FAM81A: variants seen among roughly 807,000 people sequenced by gnomAD.
FAM81A encodes family with sequence similarity 81 member A, also known as protein FAM81A.
FAM81A carries 19 observed loss-of-function variants against 46.7 expected under a neutral mutation model. That is an observed-to-expected ratio of 0.41 (90% CI 0.28 to 0.60). The LOEUF (loss-of-function observed/expected upper bound fraction) is 0.60, where lower values mean the gene tolerates loss of function less well. FAM81A is among the 20% of genes least tolerant of loss of function. FAM81A has a pLI of 0.34. For missense variants in FAM81A, 377 were observed against 453.5 expected, an observed-to-expected ratio of 0.83 and a Z score of 1.53; for synonymous variants, 183 against 152.9, an observed-to-expected ratio of 1.20 and a Z score of -1.45.
chr15:59,506,752 C>T (rs1167328197), intron 4 of FAM81A, among the ~76,000 whole-genome samples: 1 of 152,214 alleles, frequency 6.6e-6, no homozygotes, highest in Non-Finnish European at 1.5e-5. Context: ...AAAGCCTTCC[C>T]CTGCTCTACA....
At chr15:59,504,419 A>G (rs1192306195) in intron 4 of FAM81A, among the ~76,000 whole-genome samples, 7 of 152,362 alleles carry the variant, frequency 4.6e-5, no homozygotes, top group African/African-American at 1.4e-4. Flanking sequence ...CTAGGGTTTT[A>G]GGTGATGAAA....
intron 2 of FAM81A, among the ~76,000 whole-genome samples, chr15:59,418,378 G>C (rs79268657): frequency 0.012 from 1,844 of 152,308 alleles, 37 homozygotes; most frequent in African/African-American, 0.043. Context: ...AAACTCATCA[G>C]CTATAACCCT....
At chr15:59,403,208 G>C (rs187275988) in intron 2 of FAM81A, among the ~76,000 whole-genome samples, 60 of 152,104 alleles carry the variant, frequency 3.9e-4, no homozygotes, top group African/African-American at 1.4e-3. Flanking sequence ...TTATGAAGTG[G>C]GCTACCCCCC....
At chr15:59,432,554 G>T (rs1360598991) in intron 2 of FAM81A, among the ~76,000 whole-genome samples, 1 of 152,142 alleles carries the variant, frequency 6.6e-6, no homozygotes, top group Non-Finnish European at 1.5e-5. Flanking sequence ...GTACCTACAA[G>T]GCACAGCTGT....
intron 5 of FAM81A, 51 bp downstream of exon 5, chr15:59,507,393 A>G: frequency 6.3e-7 from 1 of 1,588,324 alleles, no homozygotes; most frequent in Non-Finnish European, 8.6e-7. Flanking sequence ...GTTCTTAGCT[A>G]AGAATAACAT....
intron 2 of FAM81A, among the ~76,000 whole-genome samples, chr15:59,426,813 G>A (rs544072451): frequency 1.4e-4 from 21 of 152,286 alleles, no homozygotes; most frequent in Non-Finnish European, 2.9e-4. Context: ...TCAATAGAGT[G>A]ACATAGCAAT....
intron 4 of FAM81A, among the ~76,000 whole-genome samples, chr15:59,505,841 T>A (rs537738940): frequency 1.3e-5 from 2 of 152,334 alleles, no homozygotes; most frequent in South Asian, 2.1e-4. Flanking sequence ...TTAAGAATGA[T>A]CCATTTATGT....
chr15:59,510,393 C>T (rs2082193710), intron 6 of FAM81A, among the ~76,000 whole-genome samples: 1 of 147,664 alleles, frequency 6.8e-6, no homozygotes, highest in African/African-American at 2.5e-5. Flanking sequence ...AGAAAGCCAA[C>T]TACATTCCAG....
In FAM81A at chr15:59,521,536, C is replaced by A; in HGVS notation, c.*158C>A. ...ATGGGTCTAAATGTTTACCTTGAGTCTTGAAAATACTCTTTTGTTAAAAGT... is the reference window on the plus strand; with the variant it reads ...ATGGGTCTAAATGTTTACCTTGAGTATTGAAAATACTCTTTTGTTAAAAGT... On this transcript the variant is annotated 3_prime_UTR_variant, in exon 9 of 9. Transcript: ENST00000288228. 2 of 671,300 alleles carry A rather than the reference C, an allele frequency of 3.0e-6. No homozygotes were observed. Among genetic ancestry groups the A allele is most frequent in the Non-Finnish European group, 2.2e-6 (1 of 458,164 alleles). 41.6% of individuals were successfully genotyped at this position (671,300 alleles called of 1,614,324 possible).
intron 3 of FAM81A, among the ~76,000 whole-genome samples, chr15:59,486,118 G>A (rs1341354861): frequency 1.3e-5 from 2 of 152,144 alleles, no homozygotes; most frequent in Non-Finnish European, 2.9e-5. Context: ...GGCAGAGGTT[G>A]CAGTAAACCA....
In FAM81A at chr15:59,438,192, G is replaced by C. The variant is rs1228554955; in HGVS notation, c.-168G>C. 8 of 146,556 alleles carry C rather than the reference G, an allele frequency of 5.5e-5. No homozygotes were observed. The highest frequency in any genetic ancestry group is 1.1e-4 in the Non-Finnish European group (7 of 65,864). The allele number at this position is 146,556 out of a possible 1,614,324, so 9.1% of individuals were successfully genotyped here. A position where few individuals can be genotyped will look rare whatever the true frequency, so the allele number is the denominator to read the frequency against. On this transcript the variant is annotated 5_prime_UTR_variant, in exon 1 of 9. Transcript: ENST00000288228. Reference sequence around the variant, plus strand: ...CTCCCCGCGGCGCGGGCCCGCAGCCGGGCGCCCTGCTCAGCCAGCGCCAGC... The same window carrying C: ...CTCCCCGCGGCGCGGGCCCGCAGCCCGGCGCCCTGCTCAGCCAGCGCCAGC...
At chr15:59,480,332 G>A (rs1360720050) in intron 3 of FAM81A, among the ~76,000 whole-genome samples, 5 of 152,150 alleles carry the variant, frequency 3.3e-5, no homozygotes, top group African/African-American at 1.2e-4. Flanking sequence ...AACATGGAGA[G>A]CTGTTTCTTT....
intron 4 of FAM81A, among the ~76,000 whole-genome samples, chr15:59,501,963 G>C (rs1191895425): frequency 6.6e-6 from 1 of 151,976 alleles, no homozygotes; most frequent in East Asian, 1.9e-4. Flanking sequence ...TTTAACGCTA[G>C]ATGAAATAGC....
At chr15:59,483,690 G>T (rs1168944021) in intron 3 of FAM81A, among the ~76,000 whole-genome samples, 3 of 152,170 alleles carry the variant, frequency 2.0e-5, no homozygotes, top group African/African-American at 7.2e-5. Context: ...CCCTTGGATT[G>T]GTGCAGAAGG....
intron 4 of FAM81A, among the ~76,000 whole-genome samples, chr15:59,499,659 G>C (rs924067676): frequency 9.2e-5 from 14 of 152,002 alleles, no homozygotes. Context: ...TTTTTGAAAA[G>C]TAGTAAGATT....
intron 2 of FAM81A, chr15:59,408,945 CA>C (rs2081108363): frequency 6.6e-6 from 1 of 152,168 alleles, no homozygotes; most frequent in African/African-American, 2.4e-5. Flanking sequence ...TTTGATTGTT[CA>C]CAGTCAGTTA....
At chr15:59,484,892 G>A (rs1460779700) in intron 3 of FAM81A, among the ~76,000 whole-genome samples, 1 of 152,112 alleles carries the variant, frequency 6.6e-6, no homozygotes, top group Non-Finnish European at 1.5e-5. Flanking sequence ...AGGCGGGCCC[G>A]CTGCTCTGAA....
At chr15:59,415,444 T>C (rs2081142482) in intron 2 of FAM81A, among the ~76,000 whole-genome samples, 1 of 152,186 alleles carries the variant, frequency 6.6e-6, no homozygotes, top group Admixed American at 6.5e-5. Context: ...GCTAATCAGC[T>C]GATCTTGAGA....
intron 3 of FAM81A, among the ~76,000 whole-genome samples, chr15:59,489,693 G>A (rs565393015): frequency 6.6e-6 from 1 of 152,204 alleles, no homozygotes; most frequent in East Asian, 1.9e-4. Flanking sequence ...GCATGGCACT[G>A]GCATAAAAAT....
Sources: gnomAD v4.1 joint callset for allele counts (sites outside exome capture counted in the v4.1 genomes callset) on GRCh38, gnomAD v4.1.1 for gene constraint, MANE v1.5 for transcripts, NCBI Gene and HGNC (gene_info 2026-07-23, HGNC 2026-07-21) for gene names.